Variants in NR3C2 observed in about 807,000 individuals in gnomAD.
The protein encoded by NR3C2 is mineralocorticoid receptor.
A neutral mutation model predicts 86.4 loss-of-function variants in NR3C2; 15 were observed. That is an observed-to-expected ratio of 0.17 (90% CI 0.12 to 0.27). NR3C2 has a LOEUF of 0.27. NR3C2 is among the 10% of genes least tolerant of loss of function. NR3C2 has a pLI of 1.00. For missense variants in NR3C2, 960 were observed against 1,195.6 expected, an observed-to-expected ratio of 0.80 and a Z score of 2.91; for synonymous variants, 458 against 450.5, an observed-to-expected ratio of 1.02 and a Z score of -0.21.
intron 4 of NR3C2, among the ~76,000 whole-genome samples, chr4:148,178,558 C>T (rs558723324): frequency 2.6e-5 from 4 of 151,790 alleles, no homozygotes; most frequent in Admixed American, 6.5e-5. Flanking sequence ...GTTTATTATA[C>T]TCTGATTGTT....
intron 2 of NR3C2, chr4:148,368,167 A>C (rs1356261913): frequency 6.6e-6 from 1 of 151,866 alleles, no homozygotes; most frequent in African/African-American, 2.4e-5. Flanking sequence ...CTCTCTCTCC[A>C]CACAATGCCA....
rs112573177 is a variant in NR3C2 at position 148,192,839 on chromosome 4, A to G, written c.2014+1907T>C. Among the ~76,000 whole-genome samples the G allele has an allele frequency of 4.8e-3, 726 of 152,142 alleles. 13 individuals carry two copies. Among genetic ancestry groups the G allele is most frequent in the African/African-American group, 0.017 (701 of 41,506 alleles). ...GTTTCACTCCCACTGAGCCACCCCAACAGCCCAAGTCTGTTTCCAGGGAGA... is the reference window on the plus strand; with the variant it reads ...GTTTCACTCCCACTGAGCCACCCCAGCAGCCCAAGTCTGTTTCCAGGGAGA... On this transcript the variant is annotated intron_variant, in intron 4 of 8. Coordinates refer to ENST00000358102, the MANE Select transcript of NR3C2 (RefSeq NM_000901.5).
intron 6 of NR3C2, among the ~76,000 whole-genome samples, chr4:148,134,749 A>AGTGATT (rs1179777550): frequency 6.7e-6 from 1 of 148,532 alleles, no homozygotes; most frequent in Non-Finnish European, 1.5e-5. Flanking sequence ...CCCGGGTTCA[A>AGTGATT]GTGATTCTCC....
At chr4:148,415,637 A>G (rs1232491770) in intron 2 of NR3C2, among the ~76,000 whole-genome samples, 1 of 152,130 alleles carries the variant, frequency 6.6e-6, no homozygotes, top group Non-Finnish European at 1.5e-5. Flanking sequence ...TGGTTTAGGA[A>G]GCAAGACAAA....
chr4:148,332,301 G>A (rs1744268815), intron 2 of NR3C2, among the ~76,000 whole-genome samples: 1 of 152,110 alleles, frequency 6.6e-6, no homozygotes, highest in Non-Finnish European at 1.5e-5. Context: ...TGAGATTATA[G>A]TACTTATAAT....
At chr4:148,411,262 T>C (rs1027573149) in intron 2 of NR3C2, among the ~76,000 whole-genome samples, 1 of 152,082 alleles carries the variant, frequency 6.6e-6, no homozygotes, top group Non-Finnish European at 1.5e-5. Context: ...GTTGTTGCTG[T>C]CACTTGGGGA....
chr4:148,239,600 C>A (rs1033354340), intron 3 of NR3C2, among the ~76,000 whole-genome samples: 1 of 152,166 alleles, frequency 6.6e-6, no homozygotes, highest in African/African-American at 2.4e-5. Context: ...AGGCAACTGG[C>A]GAGTTGCCAG....
chr4:148,354,062 T>C (rs759810021), intron 2 of NR3C2, among the ~76,000 whole-genome samples: 33 of 152,242 alleles, frequency 2.2e-4, no homozygotes, highest in Non-Finnish European at 4.1e-4. Context: ...AACAATGGGT[T>C]GGAACTGCAG....
chr4:148,300,519 T>C (rs1742283446), intron 2 of NR3C2, among the ~76,000 whole-genome samples: 1 of 152,212 alleles, frequency 6.6e-6, no homozygotes, highest in Non-Finnish European at 1.5e-5. Context: ...CTTTTTGGAT[T>C]TTCTTTTTTT....
At chr4:148,122,529 A>T (rs1362826937) in intron 6 of NR3C2, among the ~76,000 whole-genome samples, 4 of 152,134 alleles carry the variant, frequency 2.6e-5, no homozygotes, top group African/African-American at 7.2e-5. Flanking sequence ...ATGATTACTG[A>T]CAAGTTTGGA....
intron 4 of NR3C2, among the ~76,000 whole-genome samples, chr4:148,177,656 A>G (rs1041108985): frequency 3.3e-5 from 5 of 152,356 alleles, no homozygotes; most frequent in Non-Finnish European, 7.4e-5. Context: ...GAAAAGTCTG[A>G]GGCGGATGAC....
chr4:148,355,307 G>T (rs1043194628), intron 2 of NR3C2, among the ~76,000 whole-genome samples: 1 of 152,260 alleles, frequency 6.6e-6, no homozygotes, highest in South Asian at 2.1e-4. Flanking sequence ...TTATGGAATA[G>T]AATGCTTCAA....
intron 6 of NR3C2, 118 bp from the exon 7 acceptor site, chr4:148,120,406 T>C (rs1732462019): frequency 1.2e-5 from 14 of 1,174,158 alleles, no homozygotes; most frequent in East Asian, 2.4e-5. Flanking sequence ...GGCTTCAACA[T>C]GGAGCAGATG....
chr4:148,115,172 T>C (rs1324599232), intron 7 of NR3C2, among the ~76,000 whole-genome samples: 2 of 152,222 alleles, frequency 1.3e-5, no homozygotes, highest in Admixed American at 1.3e-4. Flanking sequence ...TCCTTTTATG[T>C]GGTGGCTAGC....
chr4:148,223,739 A>G lies in NR3C2; in HGVS notation c.1898-28877T>C, dbSNP rs190535538. 1.7e-3 allele frequency among the ~76,000 whole-genome samples: 265 copies of G among 152,344 alleles called. 2 individuals are homozygous for G. The highest frequency in any genetic ancestry group is 6.3e-4 in the Non-Finnish European group (43 of 68,036). On this transcript the variant is annotated intron_variant, in intron 3 of 8. Coordinates refer to ENST00000358102, the MANE Select transcript of NR3C2 (RefSeq NM_000901.5). ...AATAAGACTCAGAGGCTGATTTTTCATAAAGAACAAAGGTGAGAGATGAAT... is the reference window on the plus strand; with the variant it reads ...AATAAGACTCAGAGGCTGATTTTTCGTAAAGAACAAAGGTGAGAGATGAAT...
At chr4:148,145,174 G>C (rs761819421) in intron 6 of NR3C2, among the ~76,000 whole-genome samples, 1 of 152,188 alleles carries the variant, frequency 6.6e-6, no homozygotes, top group Non-Finnish European at 1.5e-5. Flanking sequence ...GCTCAAGCAC[G>C]CGCATGAAGA....
At chr4:148,312,979 T>A (rs1055624686) in intron 2 of NR3C2, among the ~76,000 whole-genome samples, 21 of 152,260 alleles carry the variant, frequency 1.4e-4, no homozygotes, top group African/African-American at 4.6e-4. Context: ...AATAAATGCA[T>A]CATTAACTCA....
At chr4:148,172,453 AC>A (rs1735173510) in intron 4 of NR3C2, among the ~76,000 whole-genome samples, 1 of 152,138 alleles carries the variant, frequency 6.6e-6, no homozygotes, top group Non-Finnish European at 1.5e-5. Context: ...AAGGATCAAG[AC>A]TTACGTGTTT....
chr4:148,142,004 G>A (rs775639078), intron 6 of NR3C2, among the ~76,000 whole-genome samples: 2 of 152,096 alleles, frequency 1.3e-5, no homozygotes, highest in Non-Finnish European at 2.9e-5. Context: ...AGTCAGCAGC[G>A]AGAAAGTATG....
Sources: gnomAD v4.1 joint callset for allele counts (sites outside exome capture counted in the v4.1 genomes callset) on GRCh38, gnomAD v4.1.1 for gene constraint, MANE v1.5 for transcripts, NCBI Gene and HGNC (gene_info 2026-07-23, HGNC 2026-07-21) for gene names.